Variants in PFKFB3 observed in about 807,000 individuals in gnomAD.
PFKFB3 encodes the protein 6-phosphofructo-2-kinase/fructose-2,6-bisphosphatase 3.
In PFKFB3, 33 loss-of-function variants were observed where a neutral mutation model predicts 68.0. That is an observed-to-expected ratio of 0.49 (90% CI 0.37 to 0.65). The LOEUF is 0.65. PFKFB3 is among the 30% of genes least tolerant of loss of function. The pLI is 0.00. For missense variants in PFKFB3, 586 were observed against 712.2 expected (o/e 0.82, Z 2.02); for synonymous variants, 315 against 288.2 (o/e 1.09, Z -0.94).
chr10:6,295,202 T>C, the PFKFB3 span, among the ~76,000 whole-genome samples: 1 of 152,006 alleles, frequency 6.6e-6, no homozygotes, highest in South Asian at 2.1e-4. Context: ...TTGAATAGGG[T>C]CTTAGGCTTG....
At chr10:6,213,791 C>T in intron 2 of PFKFB3, 43 bp downstream of exon 2, 1 of 1,594,498 alleles carries the variant, frequency 6.3e-7, no homozygotes, top group Non-Finnish European at 8.6e-7. Flanking sequence ...CGTGCAAAAA[C>T]TTGACCTTCC....
chr10:6,178,735 C>T (rs959196596), intron 1 of PFKFB3, among the ~76,000 whole-genome samples: 2 of 152,238 alleles, frequency 1.3e-5, no homozygotes, highest in African/African-American at 2.4e-5. Context: ...CAGAGCCACC[C>T]CATCGTGTGC....
Position 6,177,486 on chromosome 10 carries a change from T to TTC in PFKFB3, c.16+32474_16+32475insCT, listed in dbSNP as rs1189108298. Among the ~76,000 whole-genome samples the TTC allele has an allele frequency of 3.9e-4, 51 of 132,004 alleles. 1 individual carries two copies. Among genetic ancestry groups the TTC allele is most frequent in the Middle Eastern group, 3.5e-3 (1 of 282 alleles). 86.6% of individuals were successfully genotyped at this position (132,004 alleles called of 152,430 possible). A position where few individuals can be genotyped will look rare whatever the true frequency, so the allele number is the denominator to read the frequency against. ...TTTCTTTCTTTCTTTCTTTCTTTCT[T>TTC]TTTCTTTTCTTTCTCTCTCTCGCTC... On this transcript the variant is annotated intron_variant, in intron 1 of 14. Transcript: ENST00000379789.
At chr10:6,176,734 C>G (rs536920780) in intron 1 of PFKFB3, among the ~76,000 whole-genome samples, 1 of 152,276 alleles carries the variant, frequency 6.6e-6, no homozygotes, top group South Asian at 2.1e-4. Context: ...GACTTGGGTG[C>G]CAGGAGACAT....
intron 14 of PFKFB3, chr10:6,254,097 C>CTT (rs34789693): frequency 9.0e-4 from 298 of 332,014 alleles, no homozygotes; most frequent in East Asian, 3.9e-3. Context: ...TTTCAGATGG[C>CTT]TTTTTTTTTT....
At position 6,195,980 on chromosome 10, in the gene PFKFB3, G is replaced by A. The variant is rs374317124; in HGVS notation, c.17-17643G>A. Among the ~76,000 whole-genome samples the A allele has an allele frequency of 1.5e-3, 225 of 152,272 alleles. 1 individual carries two copies. In the Middle Eastern group the frequency reaches 0.02, roughly 14 times the overall value. ...TCCCCTTGTTTTCAAGACTTTGAGAGGAATTTTCCAGAATCAAGCTTTCTG... is the reference window on the plus strand; with the variant it reads ...TCCCCTTGTTTTCAAGACTTTGAGAAGAATTTTCCAGAATCAAGCTTTCTG... On this transcript the variant is annotated intron_variant, in intron 1 of 14. Transcript: ENST00000379789.
At chr10:6,177,408 C>CTTTCTTCTTTCTTTCTT (rs1454122984) in intron 1 of PFKFB3, among the ~76,000 whole-genome samples, 1 of 52,544 alleles carries the variant, frequency 1.9e-5, no homozygotes, top group Non-Finnish European at 4.5e-5. Context: ...TTCTTTCTTT[C>CTTTCTTCTTTCTTTCTT]TTCTTTCTCT....
chr10:6,145,212 C>T (rs950924943), intron 1 of PFKFB3, among the ~76,000 whole-genome samples: 2 of 152,016 alleles, frequency 1.3e-5, no homozygotes, highest in Admixed American at 6.5e-5. Context: ...CCCGCGTGTC[C>T]CTCCAGATCC....
the PFKFB3 span, chr10:6,293,114 G>C: frequency 2.3e-6 from 1 of 435,714 alleles, no homozygotes. Flanking sequence ...CTCAGGAATG[G>C]TGTGGTCTAT....
At chr10:6,170,799 G>GAA (rs150845708) in intron 1 of PFKFB3, among the ~76,000 whole-genome samples, 1,644 of 152,202 alleles carry the variant, frequency 0.011, 70 homozygotes, top group East Asian at 0.099. Flanking sequence ...TTGGCTGGGT[G>GAA]ACAGCAAGGG....
chr10:6,176,026 C>T (rs976962062), intron 1 of PFKFB3, among the ~76,000 whole-genome samples: 8 of 152,226 alleles, frequency 5.3e-5, no homozygotes, highest in Admixed American at 1.3e-4. Context: ...ATGTTCACTG[C>T]GGCACCCCAA....
Position 6,232,920 on chromosome 10 carries a change from C to G in PFKFB3, c.1541C>G (p.Ala514Gly). The G allele has an allele frequency of 6.2e-7, 1 of 1,613,472 alleles. No homozygotes were observed. The change falls in exon 15 of 15, where the codon GCT becomes GGT. Residue 514 changes from alanine to glycine, a missense_variant. Coordinates refer to ENST00000379775, the MANE Select transcript of PFKFB3 (RefSeq NM_004566.4). ...AACATGAAAGGCTCCCGGAGCAGCG[C>G]TGACTCCTCCAGGAAACACTGAGGC... The part of the protein sequence containing the change: ...GQNMKGSRSS[A>G]DSSRKH
intron 14 of PFKFB3, among the ~76,000 whole-genome samples, chr10:6,232,075 C>A (rs993430083): frequency 1.3e-5 from 2 of 152,214 alleles, no homozygotes; most frequent in African/African-American, 4.8e-5. Flanking sequence ...CTCTCTCCCA[C>A]CCTCTTTAGA....
At chr10:6,157,296 G>A (rs139870634) in intron 1 of PFKFB3, among the ~76,000 whole-genome samples, 4,586 of 150,256 alleles carry the variant, frequency 0.031, 227 homozygotes, top group African/African-American at 0.1. Context: ...GCGCGATCTC[G>A]GCTCACTGCA....
At chr10:6,182,249 T>C (rs1472715162) in intron 1 of PFKFB3, among the ~76,000 whole-genome samples, 1 of 151,956 alleles carries the variant, frequency 6.6e-6, no homozygotes, top group Non-Finnish European at 1.5e-5. Flanking sequence ...CCCTTCTCTC[T>C]TGCATATGCA....
the PFKFB3 span, among the ~76,000 whole-genome samples, chr10:6,289,666 T>C: frequency 2.0e-5 from 3 of 152,158 alleles, no homozygotes; most frequent in Non-Finnish European, 4.4e-5. Flanking sequence ...TCTTTTGGCT[T>C]AGGATTGACT....
intron 1 of PFKFB3, among the ~76,000 whole-genome samples, chr10:6,171,724 CAT>C (rs1292498791): frequency 6.6e-6 from 1 of 152,226 alleles, no homozygotes; most frequent in Non-Finnish European, 1.5e-5. Context: ...AAATTTCTAT[CAT>C]GTACATAATG....
chr10:6,158,813 G>A (rs1841884561), intron 1 of PFKFB3, among the ~76,000 whole-genome samples: 2 of 151,900 alleles, frequency 1.3e-5, no homozygotes, highest in Non-Finnish European at 2.9e-5. Context: ...GCTGCAGTGA[G>A]CTGAAATCGC....
intron 1 of PFKFB3, among the ~76,000 whole-genome samples, chr10:6,146,678 C>T (rs1267368183): frequency 6.6e-6 from 1 of 152,206 alleles, no homozygotes; most frequent in African/African-American, 2.4e-5. Flanking sequence ...TTTACTTGTG[C>T]GCTCAGTAGA....
Sources: allele counts gnomAD v4.1 joint callset (sites outside exome capture counted in the v4.1 genomes callset), GRCh38; gene constraint gnomAD v4.1.1; transcripts MANE v1.5; gene names NCBI Gene and HGNC (gene_info 2026-07-23, HGNC 2026-07-21).